The following DIABLO variants were observed in gnomAD, a reference collection of about 807,000 sequenced individuals.
DIABLO encodes diablo homolog, mitochondrial.
A neutral mutation model predicts 31.7 loss-of-function variants in DIABLO; 32 were observed. That is an observed-to-expected ratio of 1.01 (90% CI 0.76 to 1.35). DIABLO has a LOEUF of 1.35. DIABLO is among the 40% of genes most tolerant of loss of function. The pLI is 0.00. For synonymous variants in DIABLO, 132 were observed against 103.2 expected (o/e 1.28, Z -1.69); for missense variants, 316 against 286.4 (o/e 1.10, Z -0.75).
intron 5 of DIABLO, among the ~76,000 whole-genome samples, chr12:122,215,334 T>C (rs1386850569): frequency 5.3e-5 from 8 of 151,478 alleles, no homozygotes; most frequent in East Asian, 1.9e-4. Flanking sequence ...ATCCCAGCAC[T>C]TTGGGAGGCC....
upstream of DIABLO, chr12:122,226,592 C>G (rs748495877): frequency 1.5e-6 from 1 of 687,726 alleles, no homozygotes; most frequent in African/African-American, 1.8e-5. Context: ...CCAGGACGGT[C>G]GGCGGCCTGC....
chr12:122,226,795 G>A, upstream of DIABLO: 1 of 532,038 alleles, frequency 1.9e-6, no homozygotes, highest in Non-Finnish European at 3.3e-6. Flanking sequence ...GGGCTGAGGA[G>A]GCAGAAGCCC....
chr12:122,207,744 G>GA lies in DIABLO; in HGVS notation c.*636_*637insT. On this transcript the variant is annotated 3_prime_UTR_variant, in exon 6 of 6. Transcript: ENST00000464942. ...TCTCCTTTGGATACAATAGAGAAACGGAAAGAAAGGAAGGAACAAGAGGCC... is the reference window on the plus strand; with the variant it reads ...TCTCCTTTGGATACAATAGAGAAACGAGAAAGAAAGGAAGGAACAAGAGGCC... 2.0e-6 allele frequency: 1 copy of GA among 490,128 alleles called. No homozygotes were observed. 30.4% of individuals were successfully genotyped at this position (490,128 alleles called of 1,614,324 possible).
At chr12:122,225,361 T>A (rs545698650) in intron 1 of DIABLO, 36 of 982,334 alleles carry the variant, frequency 3.7e-5, no homozygotes, top group Non-Finnish European at 4.1e-5. Context: ...CACTCCAGCC[T>A]GGGCGACAGA....
At chr12:122,225,728 G>A in intron 1 of DIABLO, 1 of 1,425,714 alleles carries the variant, frequency 7.0e-7, no homozygotes, top group East Asian at 2.5e-5. Context: ...AAGGCAGCCC[G>A]GGGTCTCGGG....
chr12:122,214,266 T>C (rs1169744292), intron 5 of DIABLO, among the ~76,000 whole-genome samples: 1 of 152,136 alleles, frequency 6.6e-6, no homozygotes, highest in East Asian at 1.9e-4. Context: ...CTGCAACCTC[T>C]GCCTCCCAGG....
rs1013557720 is a variant in DIABLO at position 122,207,743 on chromosome 12, C to G, written c.*638G>C. 1 of 493,300 alleles carries G rather than the reference C, an allele frequency of 2.0e-6. No homozygotes were observed. The highest frequency in any genetic ancestry group is 1.5e-5 in the South Asian group (1 of 64,802). The allele number at this position is 493,300 out of a possible 1,614,324, so 30.6% of individuals were successfully genotyped here. ...TTCTCCTTTGGATACAATAGAGAAA[C>G]GGAAAGAAAGGAAGGAACAAGAGGC... is the stretch of plus-strand genomic sequence containing the variant. On this transcript the variant is annotated 3_prime_UTR_variant, in exon 6 of 6. Coordinates refer to ENST00000464942, the MANE Select transcript of DIABLO (RefSeq NM_001371333.1).
intron 5 of DIABLO, among the ~76,000 whole-genome samples, chr12:122,211,673 C>A (rs934010557): frequency 1.3e-5 from 2 of 152,118 alleles, no homozygotes; most frequent in African/African-American, 4.8e-5. Context: ...AGAGCAAGAC[C>A]CTGTCTCCAA....
At chr12:122,209,915 A>C (rs1161087937) in intron 5 of DIABLO, 4 of 658,492 alleles carry the variant, frequency 6.1e-6, no homozygotes, top group Non-Finnish European at 2.8e-6. Flanking sequence ...TAAGAAAATT[A>C]TCTCTTCATA....
chr12:122,219,231 C>CA (rs112338890), intron 2 of DIABLO, among the ~76,000 whole-genome samples: 3,055 of 139,554 alleles, frequency 0.022, 75 homozygotes, highest in African/African-American at 0.065. Context: ...GACTACATCT[C>CA]AAAAAAAAAA....
rs1193774146 is a variant in DIABLO, at chr12:122,218,933, T to TA, written c.184-537dup. Among the ~76,000 whole-genome samples, 671 of 91,432 alleles carry TA rather than the reference T, an allele frequency of 7.3e-3. 6 individuals carry two copies. The highest frequency in any genetic ancestry group is 0.039 in the South Asian group (111 of 2,880). The allele number at this position is 91,432 out of a possible 152,430, so 60.0% of individuals were successfully genotyped here. On this transcript the variant is annotated intron_variant, in intron 2 of 5. Transcript: ENST00000464942. ...TCCAGCCTGGGTGACAGAGCAAGACTAAAAAAAAAAAAAAAAAAGTGCCGG... is the reference window on the plus strand; with the variant it reads ...TCCAGCCTGGGTGACAGAGCAAGACTAAAAAAAAAAAAAAAAAAAGTGCCGG...
At chr12:122,215,719 G>A (rs1470903075) in intron 5 of DIABLO, among the ~76,000 whole-genome samples, 1 of 151,660 alleles carries the variant, frequency 6.6e-6, no homozygotes. Flanking sequence ...CTGGCTGCTG[G>A]GAGAATAGGA....
In DIABLO at chr12:122,208,417, A is replaced by G; in HGVS notation, c.684T>C (p.Ala228=). 4.3e-6 allele frequency: 7 copies of G among 1,613,304 alleles called. No individual in the cohort carries two copies. Among genetic ancestry groups the G allele is most frequent in the Non-Finnish European group, 5.9e-6 (7 of 1,180,006 alleles). The change falls in exon 6 of 6, where the codon GCT becomes GCC. Residue 228 remains alanine, a synonymous_variant. Transcript: ENST00000464942. ...QKTQEEGEER[A]ESEQEAYLRE... ...GCAGGTAGGCCTCCTGCTCCGACTC[A>G]GCCCGCTCCTCCCCTTCCTCCTGTG...
upstream of DIABLO, chr12:122,227,250 C>A: frequency 5.1e-6 from 2 of 395,554 alleles, no homozygotes; most frequent in Admixed American, 5.3e-5. Flanking sequence ...GAACCCCACA[C>A]CAGCTCATCA....
At chr12:122,216,990 G>A in intron 3 of DIABLO, 121 bp from the exon 4 acceptor site, 2 of 782,194 alleles carry the variant, frequency 2.6e-6, no homozygotes, top group Admixed American at 2.0e-5. Flanking sequence ...CCATCCTGCT[G>A]CCTCAATGAA....
At chr12:122,213,051 G>A (rs1954122710) in intron 5 of DIABLO, among the ~76,000 whole-genome samples, 1 of 152,112 alleles carries the variant, frequency 6.6e-6, no homozygotes, top group Non-Finnish European at 1.5e-5. Context: ...CTCCCAAGAA[G>A]CTGGGACTAC....
At chr12:122,209,204 C>CA (rs964823314) in intron 5 of DIABLO, among the ~76,000 whole-genome samples, 35 of 150,306 alleles carry the variant, frequency 2.3e-4, no homozygotes, top group Non-Finnish European at 4.2e-4. Flanking sequence ...ACCAAAAATA[C>CA]AAAAAAAAAT....
intron 5 of DIABLO, chr12:122,209,735 C>T (rs1461625142): frequency 7.1e-6 from 5 of 702,766 alleles, no homozygotes; most frequent in South Asian, 1.5e-5. Context: ...TGGGTATATA[C>T]ATTTTATCAA....
chr12:122,213,266 A>G lies in DIABLO; in HGVS notation c.523+3222T>C, dbSNP rs372799702. On this transcript the variant is annotated intron_variant, in intron 5 of 5. Transcript: ENST00000464942. ...ATCATAAGGCCGTGCACAGTGTCTC[A>G]TGTCTGTAATCCCAGCAGTTTGAGA... Among the ~76,000 whole-genome samples the G allele has an allele frequency of 6.6e-5, 10 of 151,896 alleles. No individual in the cohort carries two copies. In the East Asian group the frequency reaches 9.8e-4, roughly 15 times the overall value.
Sources: allele counts gnomAD v4.1 joint callset (sites outside exome capture counted in the v4.1 genomes callset), GRCh38; gene constraint gnomAD v4.1.1; transcripts MANE v1.5; gene names NCBI Gene and HGNC (gene_info 2026-07-23, HGNC 2026-07-21).